Variants in CAMSAP2 observed in about 807,000 individuals in gnomAD.
The protein encoded by CAMSAP2 is calmodulin regulated spectrin associated protein family member 2.
In CAMSAP2, 26 loss-of-function variants were observed where a neutral mutation model predicts 146.1. The observed-to-expected ratio is 0.18, with a 90% CI of 0.13 to 0.25. The LOEUF is 0.25. CAMSAP2 is among the 10% of genes least tolerant of loss of function. The pLI is 1.00. For missense variants in CAMSAP2, 1,381 were observed against 1,759.3 expected (o/e 0.78, Z 3.85); for synonymous variants, 499 against 596.6 (o/e 0.84, Z 2.38).
Position 200,761,095 on chromosome 1 carries a change from G to T in CAMSAP2, c.396G>T (p.Gln132His), listed in dbSNP as rs1484382548. 6 of 1,613,854 alleles carry T rather than the reference G, an allele frequency of 3.7e-6. No homozygotes were observed. Among genetic ancestry groups the T allele is most frequent in the Non-Finnish European group, 5.1e-6 (6 of 1,179,894 alleles). The change falls in exon 2 of 17, where the codon CAG (glutamine) becomes CAT (histidine). Residue 132 changes from glutamine (Q) to histidine (H), a missense_variant. Physicochemically the swap from Gln to His is conservative, Grantham distance 24. Coordinates refer to ENST00000358823, the MANE Select transcript of CAMSAP2 (RefSeq NM_203459.4). Reference protein sequence around the residue: ...TERDLHKKPIQMSAHLAMIDT... With the variant: ...TERDLHKKPIHMSAHLAMIDT... ...GAGATCTCCACAAGAAACCCATACAGATGGTGAGTCTTTATATACCCAAGA... is the reference window on the plus strand; with the variant it reads ...GAGATCTCCACAAGAAACCCATACATATGGTGAGTCTTTATATACCCAAGA...
At chr1:200,816,872 ACACACACACGCGTGTG>A (rs1666545981) in intron 4 of CAMSAP2, among the ~76,000 whole-genome samples, 3 of 51,866 alleles carry the variant, frequency 5.8e-5, no homozygotes, top group African/African-American at 1.6e-4. Context: ...GTATGTGTGT[ACACACACACGCGTGTG>A]TATGTGTGTA....
intron 1 of CAMSAP2, among the ~76,000 whole-genome samples, chr1:200,746,862 C>T (rs893719234): frequency 6.6e-6 from 1 of 152,050 alleles, no homozygotes; most frequent in South Asian, 2.1e-4. Flanking sequence ...TCGTGATCTG[C>T]CCCCCTCGGC....
intron 4 of CAMSAP2, among the ~76,000 whole-genome samples, chr1:200,827,080 T>C (rs1242406491): frequency 6.6e-6 from 1 of 152,212 alleles, no homozygotes; most frequent in Non-Finnish European, 1.5e-5. Context: ...GCATAGTATA[T>C]TTATTTGTTC....
At chr1:200,762,904 CT>C (rs888757564) in intron 2 of CAMSAP2, among the ~76,000 whole-genome samples, 34 of 147,716 alleles carry the variant, frequency 2.3e-4, no homozygotes, top group South Asian at 6.4e-4. Context: ...GACTTAGAAT[CT>C]TTTTTTTTTT....
chr1:200,791,567 A>T (rs557429944), intron 2 of CAMSAP2, among the ~76,000 whole-genome samples: 1 of 151,602 alleles, frequency 6.6e-6, no homozygotes, highest in Non-Finnish European at 1.5e-5. Context: ...TTTTCTTTTT[A>T]TGCTTTAGTT....
rs776839795 is a variant in CAMSAP2 at position 200,852,561 on chromosome 1, T to C, written c.3486T>C (p.Asn1162=). The C allele has an allele frequency of 1.9e-6, 3 of 1,612,736 alleles. No homozygotes were observed. The South Asian group carries it at 3.3e-5, about 18-fold the overall frequency. The change falls in exon 12 of 17, where the codon AAT becomes AAC. Residue 1162 remains asparagine (N), a synonymous_variant. Coordinates refer to ENST00000358823, the MANE Select transcript of CAMSAP2 (RefSeq NM_203459.4). ...FFFKDDQKAE[N]DMAMKRAALL... is the part of the protein sequence containing the mutation. Reference sequence around the variant, plus strand: ...CTTAGGATGATCAAAAAGCAGAAAATGATATGGCAATGAAACGGGCAGCTT... The same window carrying C: ...CTTAGGATGATCAAAAAGCAGAAAACGATATGGCAATGAAACGGGCAGCTT...
chr1:200,849,547 A>G lies in CAMSAP2; in HGVS notation c.2778A>G (p.Pro926=). The change falls in exon 11 of 17, where the codon CCA becomes CCG. Residue 926 remains proline, a synonymous_variant. Coordinates refer to ENST00000358823, the MANE Select transcript of CAMSAP2 (RefSeq NM_203459.4). This position sits in a 1 kb window ranked among gnomAD's most constrained non-coding sequence, Gnocchi z 6.3. Reference sequence around the variant, plus strand: ...TGATTTCACCTCCACAACCCTCTCCACAGAAACAGATTCGAGATTTTAAGC... The same window carrying G: ...TGATTTCACCTCCACAACCCTCTCCGCAGAAACAGATTCGAGATTTTAAGC... ...SWVISPPQPS[P]QKQIRDFKPS... The G allele has an allele frequency of 6.2e-7, 1 of 1,614,190 alleles. No individual in the cohort carries two copies. Among genetic ancestry groups the G allele is most frequent in the South Asian group, 1.1e-5 (1 of 91,086 alleles).
chr1:200,855,394 TATC>T (rs1667724263), intron 14 of CAMSAP2, among the ~76,000 whole-genome samples: 1 of 150,386 alleles, frequency 6.6e-6, no homozygotes, highest in East Asian at 1.9e-4. Flanking sequence ...TATACTATAA[TATC>T]ATATCAGAAA....
At chr1:200,750,577 G>A (rs1162246557) in intron 1 of CAMSAP2, among the ~76,000 whole-genome samples, 1 of 149,984 alleles carries the variant, frequency 6.7e-6, no homozygotes, top group East Asian at 1.9e-4. Context: ...GCCTGTATGT[G>A]TGTGTGTGTG....
intron 3 of CAMSAP2, among the ~76,000 whole-genome samples, chr1:200,811,642 C>G (rs1666334164): frequency 6.6e-6 from 1 of 152,172 alleles, no homozygotes; most frequent in African/African-American, 2.4e-5. Context: ...TATAATTGCT[C>G]TCTGCGGGGA....
At chr1:200,809,462 G>T (rs1666267954) in intron 3 of CAMSAP2, among the ~76,000 whole-genome samples, 1 of 152,218 alleles carries the variant, frequency 6.6e-6, no homozygotes, top group Admixed American at 6.5e-5. Flanking sequence ...CCTGAGCCGG[G>T]CTCAGTGGCT....
chr1:200,797,096 G>T (rs1302809044), intron 2 of CAMSAP2, among the ~76,000 whole-genome samples: 4 of 152,056 alleles, frequency 2.6e-5, no homozygotes, highest in Non-Finnish European at 5.9e-5. Flanking sequence ...TTGGTTCCAA[G>T]TCTTTGCTAT....
In CAMSAP2 at chr1:200,739,988, C is replaced by T. The variant is rs1226928167; in HGVS notation, c.139+22C>T. 6.2e-7 allele frequency: 1 copy of T among 1,612,274 alleles called. No homozygotes were observed. The highest frequency in any genetic ancestry group is 1.3e-5 in the African/African-American group (1 of 74,898). ...ACAGGTTAGTGGTGTCACCCTTTCC[C>T]TCCCCTCTTCCTCCTGATGTGGTCC... is the stretch of plus-strand genomic sequence containing the variant. On this transcript the variant is annotated intron_variant, in intron 1 of 16. Transcript: ENST00000358823. The surrounding 1 kb of genome is among the most constrained non-coding windows in gnomAD (Gnocchi z 4.8).
intron 4 of CAMSAP2, among the ~76,000 whole-genome samples, chr1:200,828,407 T>A (rs560242460): frequency 2.0e-5 from 3 of 152,228 alleles, no homozygotes; most frequent in African/African-American, 7.2e-5. Flanking sequence ...TAGGAACTTA[T>A]GTATTTTTAA....
At chr1:200,829,015 C>T (rs1483174003) in intron 4 of CAMSAP2, among the ~76,000 whole-genome samples, 2 of 151,892 alleles carry the variant, frequency 1.3e-5, no homozygotes, top group Non-Finnish European at 2.9e-5. Context: ...ATTAGCTGGG[C>T]GTGGTGGCGC....
intron 4 of CAMSAP2, chr1:200,828,546 C>T: frequency 1.9e-6 from 3 of 1,549,528 alleles, no homozygotes; most frequent in Non-Finnish European, 2.6e-6. Flanking sequence ...TTTGCTTTCC[C>T]CTTTTTTCCC....
chr1:200,756,471 A>G (rs111460037), intron 1 of CAMSAP2, among the ~76,000 whole-genome samples: 1 of 152,092 alleles, frequency 6.6e-6, no homozygotes, highest in Non-Finnish European at 1.5e-5. Context: ...AAAGAAAAAA[A>G]AAAGAAAAAA....
intron 8 of CAMSAP2, among the ~76,000 whole-genome samples, chr1:200,846,815 G>A (rs1053721550): frequency 2.0e-5 from 3 of 152,176 alleles, no homozygotes; most frequent in East Asian, 1.9e-4. Flanking sequence ...AAACAGGTCC[G>A]TGAGCAGAGA....
At chr1:200,813,225 C>T (rs181079940) in intron 3 of CAMSAP2, among the ~76,000 whole-genome samples, 9 of 152,298 alleles carry the variant, frequency 5.9e-5, no homozygotes, top group Admixed American at 2.0e-4. Flanking sequence ...CCACTGTGCT[C>T]CTTCAACCCC....
Sources: gnomAD v4.1 joint callset for allele counts (sites outside exome capture counted in the v4.1 genomes callset) on GRCh38, gnomAD v4.1.1 for gene constraint, Gnocchi (gnomAD v3.1) non-coding constraint, MANE v1.5 for transcripts, NCBI Gene and HGNC (gene_info 2026-07-23, HGNC 2026-07-21) for gene names.